TSPAN9: variants seen among roughly 807,000 people sequenced by gnomAD.
The protein encoded by TSPAN9 is tetraspanin-9.
A neutral mutation model predicts 31.0 loss-of-function variants in TSPAN9; 16 were observed. That is an observed-to-expected ratio of 0.52 (90% confidence interval 0.35 to 0.78). The LOEUF (loss-of-function observed/expected upper bound fraction) is 0.78, where lower values mean the gene tolerates loss of function less well. Ranked by LOEUF, TSPAN9 falls within the 30% of genes least tolerant of loss-of-function variation. The probability of loss-of-function intolerance (pLI) is 0.01; values close to 1 mark genes in which losing one functional copy is unlikely to be tolerated. For missense variants in TSPAN9, 272 were observed against 312.5 expected (o/e 0.87, Z 0.98); for synonymous variants, 145 against 121.6 (o/e 1.19, Z -1.27).
rs951329125 is a variant in TSPAN9, at chr12:3,192,077, T to G, written c.-17-9100T>G. 2.0e-5 allele frequency among the ~76,000 whole-genome samples: 3 copies of G among 148,004 alleles called. No individual in the cohort carries two copies. Among genetic ancestry groups the G allele is most frequent in the African/African-American group, 7.5e-5 (3 of 39,976 alleles). On this transcript the variant is annotated intron_variant, in intron 2 of 8. Transcript: ENST00000011898. This position sits in a 1 kb window ranked among gnomAD's most constrained non-coding sequence, Gnocchi z 4.6. The stretch of plus-strand genomic sequence containing the variant: ...TCTGAGGAGGTCAGAGCACCGAGAG[T>G]TCACGGCTGTGGCAATAATGGGTGA...
chr12:3,141,461 C>T (rs4766049), intron 2 of TSPAN9, among the ~76,000 whole-genome samples: 62,613 of 152,032 alleles, frequency 0.41, 13,186 homozygotes, highest in South Asian at 0.59. Context: ...CCTCCTGCCC[C>T]GGGCCCTGCT....
intron 2 of TSPAN9, among the ~76,000 whole-genome samples, chr12:3,149,252 G>A (rs1038752423): frequency 2.0e-5 from 3 of 152,190 alleles, no homozygotes; most frequent in Non-Finnish European, 4.4e-5. Flanking sequence ...GTTTGATGAT[G>A]GTCAGGCCCT....
At chr12:3,149,011 A>G (rs1049835962) in intron 2 of TSPAN9, among the ~76,000 whole-genome samples, 2 of 152,018 alleles carry the variant, frequency 1.3e-5, no homozygotes, top group Non-Finnish European at 2.9e-5. Flanking sequence ...ATCCTGGGTA[A>G]ATTGTGGGGT....
At chr12:3,189,631 G>T (rs2098363270) in intron 2 of TSPAN9, among the ~76,000 whole-genome samples, 2 of 152,124 alleles carry the variant, frequency 1.3e-5, no homozygotes, top group Admixed American at 1.3e-4. Context: ...TAGCCTGGAT[G>T]GCTGATTCGA....
intron 2 of TSPAN9, chr12:3,125,046 G>A (rs886154846): frequency 6.6e-6 from 1 of 152,132 alleles, no homozygotes; most frequent in Non-Finnish European, 1.5e-5. Flanking sequence ...CTGGGTGACA[G>A]AGTGAGACCC....
chr12:3,208,396 G>T (rs2098376425), intron 3 of TSPAN9, among the ~76,000 whole-genome samples: 1 of 152,208 alleles, frequency 6.6e-6, no homozygotes, highest in Non-Finnish European at 1.5e-5. Context: ...TGACCCCAAG[G>T]CCTGCAGCTG....
chr12:3,185,398 T>C (rs2098360685), intron 2 of TSPAN9, among the ~76,000 whole-genome samples: 1 of 152,214 alleles, frequency 6.6e-6, no homozygotes, highest in Non-Finnish European at 1.5e-5. Context: ...GTCATTTTGC[T>C]GTGGAAACTC....
chr12:3,127,191 A>C (rs2098327711), intron 2 of TSPAN9, among the ~76,000 whole-genome samples: 1 of 151,546 alleles, frequency 6.6e-6, no homozygotes, highest in Non-Finnish European at 1.5e-5. Context: ...ACTTGAGCCC[A>C]GGAGTTGGAG....
intron 2 of TSPAN9, among the ~76,000 whole-genome samples, chr12:3,086,284 C>T (rs1411808076): frequency 6.6e-6 from 1 of 151,660 alleles, no homozygotes; most frequent in African/African-American, 2.4e-5. Context: ...GTTGGGAGCA[C>T]GATCCTATCT....
At chr12:3,180,041 C>T (rs912974350) in intron 2 of TSPAN9, among the ~76,000 whole-genome samples, 9 of 152,112 alleles carry the variant, frequency 5.9e-5, no homozygotes, top group African/African-American at 1.9e-4. Flanking sequence ...TTCTCATGGG[C>T]GGTCTACCCA....
rs188259758 is a variant in TSPAN9 at position 3,178,250 on chromosome 12, G to C, written c.-17-22927G>C. Reference sequence around the variant, plus strand: ...CCCTCCATTTGCATTTCTGTCTTCAGCTGTGGCCGGTGACCCATGGAGATG... The same window carrying C: ...CCCTCCATTTGCATTTCTGTCTTCACCTGTGGCCGGTGACCCATGGAGATG... On this transcript the variant is annotated intron_variant, in intron 2 of 8. Transcript: ENST00000011898. 4.8e-4 allele frequency among the ~76,000 whole-genome samples: 73 copies of C among 151,752 alleles called. 3 individuals are homozygous for C. The highest frequency in any genetic ancestry group is 3.1e-3 in the Admixed American group (47 of 15,250).
intron 2 of TSPAN9, among the ~76,000 whole-genome samples, chr12:3,109,307 A>AGAGTGTGTGT (rs560687812): frequency 6.3e-5 from 9 of 143,208 alleles, no homozygotes; most frequent in African/African-American, 2.5e-4. Flanking sequence ...TGTGAGAGAG[A>AGAGTGTGTGT]GTGTGTGTGT....
chr12:3,132,153 T>C (rs1228608223), intron 2 of TSPAN9, among the ~76,000 whole-genome samples: 1 of 152,232 alleles, frequency 6.6e-6, no homozygotes, highest in Non-Finnish European at 1.5e-5. Context: ...CAATATTTTG[T>C]TTTTCTGTTC....
intron 2 of TSPAN9, among the ~76,000 whole-genome samples, chr12:3,197,381 G>A (rs974924467): frequency 1.3e-5 from 2 of 152,202 alleles, no homozygotes; most frequent in East Asian, 1.9e-4. Context: ...ATCAGGAGGC[G>A]ACTAGACATC....
Position 3,280,168 on chromosome 12 carries a change from T to A in TSPAN9, c.331-214T>A, listed in dbSNP as rs1445969476. Among the ~76,000 whole-genome samples the A allele has an allele frequency of 6.6e-6, 1 of 151,892 alleles. No homozygotes were observed. Among genetic ancestry groups the A allele is most frequent in the Admixed American group, 6.5e-5 (1 of 15,278 alleles). ...AGGCGGTGGGTGCACCAGGGCCTGCTGTATTCTGAAACTGGGAGTGTGTGC... is the reference window on the plus strand; with the variant it reads ...AGGCGGTGGGTGCACCAGGGCCTGCAGTATTCTGAAACTGGGAGTGTGTGC... On this transcript the variant is annotated intron_variant, in intron 5 of 8. Transcript: ENST00000011898. The surrounding 1 kb of genome is among the most constrained non-coding windows in gnomAD (Gnocchi z 4.5).
intron 2 of TSPAN9, among the ~76,000 whole-genome samples, chr12:3,179,413 C>G (rs532339294): frequency 1.3e-5 from 2 of 152,146 alleles, no homozygotes; most frequent in Non-Finnish European, 2.9e-5. Flanking sequence ...AAGCCCATTC[C>G]TCTCATTCTG....
chr12:3,205,906 C>T (rs1193543707), intron 3 of TSPAN9, among the ~76,000 whole-genome samples: 1 of 151,962 alleles, frequency 6.6e-6, no homozygotes, highest in Non-Finnish European at 1.5e-5. Flanking sequence ...GTGTTCACTT[C>T]CTCTCCACAG....
chr12:3,220,657 G>A (rs2098383997), intron 3 of TSPAN9, among the ~76,000 whole-genome samples: 2 of 152,202 alleles, frequency 1.3e-5, no homozygotes. Context: ...AAGCCCGGAG[G>A]CTTAGTCCTG....
chr12:3,211,691 C>T (rs1036942002), intron 3 of TSPAN9: 41 of 1,583,530 alleles, frequency 2.6e-5, no homozygotes, highest in Non-Finnish European at 3.4e-5. Context: ...GAAGGAACAT[C>T]CTTCTGTAAG....
Sources: allele counts gnomAD v4.1 joint callset (sites outside exome capture counted in the v4.1 genomes callset), GRCh38; gene constraint gnomAD v4.1.1; non-coding constraint Gnocchi (gnomAD v3.1); transcripts MANE v1.5; gene names NCBI Gene and HGNC (gene_info 2026-07-23, HGNC 2026-07-21).